Variants in CRPPA observed in about 807,000 individuals in gnomAD.
CRPPA encodes D-ribitol-5-phosphate cytidylyltransferase.
In CRPPA, 43 loss-of-function variants were observed where a neutral mutation model predicts 52.0. The observed-to-expected ratio is 0.83, with a 90% CI of 0.65 to 1.07. CRPPA has a LOEUF of 1.07. Among genes scored for constraint, CRPPA ranks in the 50% least tolerant of loss-of-function variants. CRPPA has a pLI of 0.00. For synonymous variants in CRPPA, 250 were observed against 203.5 expected, an observed-to-expected ratio of 1.23 and a Z score of -1.94; for missense variants, 629 against 551.7, an observed-to-expected ratio of 1.14 and a Z score of -1.40.
rs545883663 is a variant in CRPPA at position 16,247,677 on chromosome 7, G to A, written c.1119+10713C>T. Among the ~76,000 whole-genome samples, 4 of 152,176 alleles carry A rather than the reference G, an allele frequency of 2.6e-5. No individual in the cohort carries two copies. The East Asian group carries it at 7.7e-4, about 29-fold the overall frequency. ...GGTACCAATAGACTTGCCAGACACA[G>A]GGTTGCCAAAAAACTTCAATTTGTA... On this transcript the variant is annotated intron_variant, in intron 8 of 9. Coordinates refer to ENST00000407010, the MANE Select transcript of CRPPA (RefSeq NM_001101426.4).
intron 8 of CRPPA, among the ~76,000 whole-genome samples, chr7:16,222,844 G>A (rs1387529306): frequency 6.6e-6 from 1 of 151,910 alleles, no homozygotes; most frequent in East Asian, 1.9e-4. Flanking sequence ...CATATTTATG[G>A]GGTACTGTGA....
At chr7:16,232,692 A>G (rs1782833703) in intron 8 of CRPPA, among the ~76,000 whole-genome samples, 1 of 151,634 alleles carries the variant, frequency 6.6e-6, no homozygotes, top group African/African-American at 2.4e-5. Flanking sequence ...AGTCCTGCTG[A>G]AAGATCAAAA....
At chr7:16,243,257 T>G (rs148758950) in intron 8 of CRPPA, among the ~76,000 whole-genome samples, 4 of 152,138 alleles carry the variant, frequency 2.6e-5, no homozygotes, top group African/African-American at 7.2e-5. Flanking sequence ...CCTTCCACCA[T>G]GATTGTAAGT....
intron 9 of CRPPA, among the ~76,000 whole-genome samples, chr7:16,172,410 G>A (rs1299751385): frequency 6.6e-6 from 1 of 152,130 alleles, no homozygotes; most frequent in Non-Finnish European, 1.5e-5. Context: ...GAGGGCCCGT[G>A]TGTCCTGCAA....
chr7:16,112,029 T>C (rs909755765), intron 9 of CRPPA, among the ~76,000 whole-genome samples: 5 of 152,148 alleles, frequency 3.3e-5, no homozygotes, highest in South Asian at 4.1e-4. Context: ...TAAACTTATA[T>C]AATTAAAAAT....
chr7:16,152,584 A>G (rs1562528217), intron 9 of CRPPA, among the ~76,000 whole-genome samples: 1 of 152,024 alleles, frequency 6.6e-6, no homozygotes, highest in African/African-American at 2.4e-5. Context: ...TAGGACTGAA[A>G]TGTTGTGAAA....
intron 9 of CRPPA, among the ~76,000 whole-genome samples, chr7:16,174,488 T>G (rs1045376948): frequency 3.3e-5 from 5 of 152,124 alleles, no homozygotes; most frequent in Non-Finnish European, 1.5e-5. Context: ...GGACCATGGG[T>G]GTAGTTTGCT....
chr7:16,288,382 CT>C (rs1784492029), intron 5 of CRPPA, among the ~76,000 whole-genome samples: 1 of 150,898 alleles, frequency 6.6e-6, no homozygotes, highest in African/African-American at 2.4e-5. Context: ...TCTATATATT[CT>C]AAAAAAAAAA....
At chr7:16,272,117 A>G (rs1784102505) in intron 6 of CRPPA, among the ~76,000 whole-genome samples, 1 of 152,164 alleles carries the variant, frequency 6.6e-6, no homozygotes, top group African/African-American at 2.4e-5. Context: ...CAAAGCTGGT[A>G]AGGTCTGTGA....
chr7:16,228,868 A>T (rs924114464), intron 8 of CRPPA, among the ~76,000 whole-genome samples: 1 of 151,908 alleles, frequency 6.6e-6, no homozygotes, highest in Admixed American at 6.6e-5. Flanking sequence ...TTTCTGGTTA[A>T]CCTGCTCATT....
chr7:16,384,228 G>A (rs142074875), intron 2 of CRPPA, among the ~76,000 whole-genome samples: 1 of 152,288 alleles, frequency 6.6e-6, no homozygotes, highest in Non-Finnish European at 1.5e-5. Context: ...GGATGTGAGA[G>A]TAGAGAGCTA....
intron 2 of CRPPA, 35 bp from the exon 3 acceptor site, chr7:16,376,276 T>C (rs765064748): frequency 2.6e-6 from 4 of 1,555,554 alleles, no homozygotes; most frequent in Non-Finnish European, 8.7e-7. Flanking sequence ...ATATTTCACC[T>C]ACAAGCCATT....
At chr7:16,134,032 C>A (rs956125748) in intron 9 of CRPPA, among the ~76,000 whole-genome samples, 1 of 123,588 alleles carries the variant, frequency 8.1e-6, no homozygotes, top group Non-Finnish European at 1.8e-5. Context: ...CCCGGGTTCA[C>A]GCCATTCTCC....
In CRPPA at chr7:16,169,122, T is replaced by TA. The variant is rs769117182; in HGVS notation, c.1251+46943dup. On this transcript the variant is annotated intron_variant, in intron 9 of 9. Coordinates refer to ENST00000407010, the MANE Select transcript of CRPPA (RefSeq NM_001101426.4). Reference sequence around the variant, plus strand: ...AAACATCACACCTGTCTTACATAAATAAAAAATATCATGGAAATTACATAT... The same window carrying TA: ...AAACATCACACCTGTCTTACATAAATAAAAAAATATCATGGAAATTACATAT... 8.4e-4 allele frequency among the ~76,000 whole-genome samples: 128 copies of TA among 152,250 alleles called. 1 individual carries two copies. The Middle Eastern group carries it at 0.024, about 28-fold the overall frequency.
At chr7:16,121,550 C>T (rs1044045646) in intron 9 of CRPPA, among the ~76,000 whole-genome samples, 9 of 151,902 alleles carry the variant, frequency 5.9e-5, no homozygotes, top group Non-Finnish European at 1.3e-4. Flanking sequence ...AATATCCAGA[C>T]AAAAGGTAGA....
chr7:16,373,524 T>A (rs1413803067), intron 3 of CRPPA, among the ~76,000 whole-genome samples: 1 of 152,214 alleles, frequency 6.6e-6, no homozygotes, highest in East Asian at 1.9e-4. Flanking sequence ...GCAGAGGAGT[T>A]TGACATTTCA....
intron 9 of CRPPA, among the ~76,000 whole-genome samples, chr7:16,197,507 T>C (rs900512387): frequency 2.1e-5 from 3 of 140,144 alleles, no homozygotes; most frequent in East Asian, 4.0e-4. Context: ...TTGCGCAGCA[T>C]TTTTTTTTTT....
chr7:16,303,780 C>A (rs574988942), intron 4 of CRPPA, among the ~76,000 whole-genome samples: 2 of 151,938 alleles, frequency 1.3e-5, no homozygotes, highest in African/African-American at 4.8e-5. Flanking sequence ...TTACAAAAAC[C>A]AAATAGAGAC....
chr7:16,160,616 C>G (rs920463069), intron 9 of CRPPA, among the ~76,000 whole-genome samples: 2 of 152,096 alleles, frequency 1.3e-5, no homozygotes, highest in East Asian at 3.9e-4. Flanking sequence ...CAGCTTTGTT[C>G]TTTTTGCTTA....
Sources: gnomAD v4.1 joint callset for allele counts (sites outside exome capture counted in the v4.1 genomes callset) on GRCh38, gnomAD v4.1.1 for gene constraint, MANE v1.5 for transcripts, NCBI Gene and HGNC (gene_info 2026-07-23, HGNC 2026-07-21) for gene names.